The following RAP1GAP2 variants were observed in gnomAD, a reference collection of about 807,000 sequenced individuals.
RAP1GAP2 encodes RAP1 GTPase activating protein 2.
RAP1GAP2 carries 27 observed loss-of-function variants against 95.0 expected under a neutral mutation model. The ratio of observed to expected loss-of-function variants is 0.28; its 90% confidence interval spans 0.21 to 0.39. RAP1GAP2 has a LOEUF of 0.39. RAP1GAP2 is among the 10% of genes least tolerant of loss of function. The probability of loss-of-function intolerance (pLI) is 1.00; values close to 1 mark genes in which losing one functional copy is unlikely to be tolerated. For synonymous variants in RAP1GAP2, 373 were observed against 380.9 expected (o/e 0.98, Z 0.24); for missense variants, 771 against 970.0 (o/e 0.79, Z 2.72).
intron 2 of RAP1GAP2, among the ~76,000 whole-genome samples, chr17:2,892,481 C>CGACGGTCCACTGG (rs1440283975): frequency 2.0e-5 from 3 of 152,024 alleles, no homozygotes; most frequent in Non-Finnish European, 4.4e-5. Context: ...GAGATGACTG[C>CGACGGTCCACTGG]GACGGTCCAC....
chr17:3,010,336 C>CAAAAAA (rs1179623628), intron 17 of RAP1GAP2, among the ~76,000 whole-genome samples: 457 of 69,880 alleles, frequency 6.5e-3, no homozygotes, highest in East Asian at 0.012. Context: ...GAGACTGTCT[C>CAAAAAA]AAAAAAAAAA....
At chr17:2,852,907 C>T (rs879745633) in intron 2 of RAP1GAP2, among the ~76,000 whole-genome samples, 1 of 152,188 alleles carries the variant, frequency 6.6e-6, no homozygotes, top group Non-Finnish European at 1.5e-5. Context: ...TCCGCCCTTC[C>T]TTTCCGAAGG....
intron 3 of RAP1GAP2, among the ~76,000 whole-genome samples, chr17:2,921,594 T>C (rs1455152313): frequency 2.0e-5 from 3 of 151,522 alleles, no homozygotes; most frequent in Admixed American, 2.0e-4. Context: ...CTTTAAGGTG[T>C]CTGCAGGGTC....
intron 1 of RAP1GAP2, among the ~76,000 whole-genome samples, chr17:2,762,397 C>CTTTTTT (rs71150894): frequency 8.1e-6 from 1 of 124,208 alleles, no homozygotes. Flanking sequence ...TTTTTTCTTT[C>CTTTTTT]TTTTTTTTTT....
chr17:2,885,500 G>A (rs192550947), intron 2 of RAP1GAP2, among the ~76,000 whole-genome samples: 2 of 152,294 alleles, frequency 1.3e-5, no homozygotes, highest in Admixed American at 1.3e-4. Context: ...CTTGGAGTAC[G>A]TTGGAGGTGA....
chr17:2,975,885 T>C (rs1338318509), intron 8 of RAP1GAP2, among the ~76,000 whole-genome samples: 1 of 152,266 alleles, frequency 6.6e-6, no homozygotes, highest in Non-Finnish European at 1.5e-5. Flanking sequence ...ACTCTGTTGT[T>C]TGTTTGCTTT....
intron 2 of RAP1GAP2, among the ~76,000 whole-genome samples, chr17:2,839,524 A>G (rs1362823475): frequency 6.6e-6 from 1 of 152,144 alleles, no homozygotes; most frequent in Non-Finnish European, 1.5e-5. Context: ...ATGATCATTA[A>G]TAACTGAAAT....
rs1282929028 is a variant in RAP1GAP2, at chr17:3,003,836, G to A, written c.1201-1533G>A. Reference sequence around the variant, plus strand: ...TGGTTGGAATGGGGTCAAGAGAGGCGCACAATGAGGATGGAAGGTGAACGC... The same window carrying A: ...TGGTTGGAATGGGGTCAAGAGAGGCACACAATGAGGATGGAAGGTGAACGC... On this transcript the variant is annotated intron_variant, in intron 14 of 24. Coordinates refer to ENST00000254695, the MANE Select transcript of RAP1GAP2 (RefSeq NM_015085.5). The surrounding 1 kb of genome is among the most constrained non-coding windows in gnomAD (Gnocchi z 4.1). Among the ~76,000 whole-genome samples the A allele has an allele frequency of 1.3e-5, 2 of 152,186 alleles. No homozygotes were observed. The highest frequency in any genetic ancestry group is 1.9e-4 in the East Asian group (1 of 5,180).
intron 3 of RAP1GAP2, among the ~76,000 whole-genome samples, chr17:2,951,231 C>G (rs534385379): frequency 1.3e-5 from 2 of 152,238 alleles, no homozygotes; most frequent in Non-Finnish European, 2.9e-5. Context: ...GACTGTGTGC[C>G]GAGCTGCTTC....
At chr17:2,820,313 C>A (rs1285443888) in intron 2 of RAP1GAP2, among the ~76,000 whole-genome samples, 1 of 151,990 alleles carries the variant, frequency 6.6e-6, no homozygotes, top group East Asian at 1.9e-4. Context: ...CTGGATGCTG[C>A]CAGATTGCCC....
upstream of RAP1GAP2, among the ~76,000 whole-genome samples, chr17:2,772,485 A>G (rs922351821): frequency 1.6e-4 from 24 of 151,960 alleles, no homozygotes; most frequent in African/African-American, 5.3e-4. Flanking sequence ...TTTTATAGAG[A>G]TGGGGTCTCC....
At chr17:2,880,951 G>GC (rs1329788252) in intron 2 of RAP1GAP2, among the ~76,000 whole-genome samples, 1 of 151,788 alleles carries the variant, frequency 6.6e-6, no homozygotes, top group East Asian at 1.9e-4. Context: ...ACATGGTGAA[G>GC]CCCCATCTCT....
chr17:3,030,738 C>A (rs1207323496), intron 22 of RAP1GAP2, among the ~76,000 whole-genome samples, 184 bp from the exon 23 acceptor site: 1 of 152,046 alleles, frequency 6.6e-6, no homozygotes, highest in African/African-American at 2.4e-5. Flanking sequence ...AGTTGAACAA[C>A]CAGCTCACCA....
At chr17:2,814,852 G>A (rs1819008767) in intron 2 of RAP1GAP2, among the ~76,000 whole-genome samples, 1 of 152,134 alleles carries the variant, frequency 6.6e-6, no homozygotes, top group African/African-American at 2.4e-5. Flanking sequence ...GGTGTTGGGG[G>A]GGAGGGTTGA....
intron 17 of RAP1GAP2, among the ~76,000 whole-genome samples, chr17:3,010,518 C>T (rs1207743057): frequency 6.6e-6 from 1 of 152,134 alleles, no homozygotes; most frequent in Non-Finnish European, 1.5e-5. Context: ...TGCTTGTAGG[C>T]TGTGGACACT....
At chr17:2,895,936 A>T (rs992395067) in intron 2 of RAP1GAP2, among the ~76,000 whole-genome samples, 1 of 151,852 alleles carries the variant, frequency 6.6e-6, no homozygotes, top group Non-Finnish European at 1.5e-5. Context: ...TCTCCTGGGC[A>T]TTGCGACACT....
chr17:2,785,400 G>GGAA (rs2068748438), intron 1 of RAP1GAP2, among the ~76,000 whole-genome samples: 1 of 139,998 alleles, frequency 7.1e-6, no homozygotes, highest in Non-Finnish European at 1.5e-5. Flanking sequence ...GCAAAAAGTT[G>GGAA]GAAAAAAAAA....
At chr17:2,999,447 T>C (rs2046078975) in intron 14 of RAP1GAP2, among the ~76,000 whole-genome samples, 1 of 152,114 alleles carries the variant, frequency 6.6e-6, no homozygotes, top group South Asian at 2.1e-4. Context: ...CGCTCCCTGC[T>C]CCGCAAAATA....
At chr17:2,787,955 T>G (rs1447152862) in intron 1 of RAP1GAP2, among the ~76,000 whole-genome samples, 1 of 152,228 alleles carries the variant, frequency 6.6e-6, no homozygotes, top group Non-Finnish European at 1.5e-5. Context: ...AGTGGCTAGA[T>G]AGTATTCCAT....
Sources: gnomAD v4.1 joint callset for allele counts (sites outside exome capture counted in the v4.1 genomes callset) on GRCh38, gnomAD v4.1.1 for gene constraint, Gnocchi (gnomAD v3.1) non-coding constraint, MANE v1.5 for transcripts, NCBI Gene and HGNC (gene_info 2026-07-23, HGNC 2026-07-21) for gene names.